The following ZNF75D variants were observed in gnomAD, a reference collection of about 807,000 sequenced individuals.
ZNF75D encodes zinc finger protein 75D.
A neutral mutation model predicts 33.3 loss-of-function variants in ZNF75D; 33 were observed. The observed-to-expected ratio is 0.99, with a 90% CI of 0.75 to 1.32. ZNF75D has a LOEUF of 1.32. ZNF75D is among the 40% of genes most tolerant of loss of function. The pLI is 0.00. For missense variants in ZNF75D, 338 were observed against 367.5 expected (o/e 0.92, Z 0.66); for synonymous variants, 113 against 130.6 (o/e 0.87, Z 0.92).
chrX:135,301,149 C>A (rs2084213189), intron 1 of ZNF75D, among the ~76,000 whole-genome samples: 1 of 111,608 alleles, frequency 9.0e-6, no homozygotes, highest in Admixed American at 9.5e-5. Context: ...GAAAAACTGC[C>A]ATTTATAAAA....
chrX:135,300,317 C>T (rs182615169), intron 1 of ZNF75D, among the ~76,000 whole-genome samples: 2 of 111,642 alleles, frequency 1.8e-5, no homozygotes, highest in African/African-American at 6.5e-5. Context: ...TGTCCTTGCC[C>T]CTGCACTTTT....
intron 1 of ZNF75D, among the ~76,000 whole-genome samples, chrX:135,317,345 C>A (rs1056356122): frequency 1.8e-5 from 2 of 111,692 alleles, no homozygotes; most frequent in African/African-American, 3.3e-5. Flanking sequence ...AGTCTTTGGA[C>A]CCCACTGGTG....
intron 1 of ZNF75D, among the ~76,000 whole-genome samples, chrX:135,262,893 C>A (rs1375811007): frequency 8.9e-6 from 1 of 112,618 alleles, no homozygotes; most frequent in African/African-American, 3.2e-5. Flanking sequence ...TTAGAATTTT[C>A]AACTTTTCTG....
intron 1 of ZNF75D, among the ~76,000 whole-genome samples, chrX:135,299,139 A>G (rs1602616835): frequency 8.9e-6 from 1 of 112,227 alleles, no homozygotes; most frequent in Non-Finnish European, 1.9e-5. Context: ...TTTATTTTAC[A>G]TACATTTGTA....
chrX:135,274,572 A>G (rs1327670962), intron 1 of ZNF75D, among the ~76,000 whole-genome samples: 1 of 111,886 alleles, frequency 8.9e-6, no homozygotes, highest in African/African-American at 3.2e-5. Flanking sequence ...ACTTAGGTTT[A>G]CATGAGCACC....
At position 135,342,212 on chromosome X, in the gene ZNF75D, CCA is replaced by C. The variant is rs1177089880; in HGVS notation, c.-837_-836del. ...GGGCTCCTCTAAGTATCCATTGGCT[CCA>C]GTTTGAAATCTCAGTATCCATTGGC... On this transcript the variant is annotated 5_prime_UTR_variant, in exon 1 of 7. An upstream open reading frame in the 5' UTR gains an earlier in-frame stop. Transcript: ENST00000370766. 8.9e-6 allele frequency: 1 copy of C among 111,941 alleles called. No homozygotes were observed. Among genetic ancestry groups the C allele is most frequent in the African/African-American group, 3.3e-5 (1 of 30,700 alleles). 9.2% of individuals were successfully genotyped at this position (111,941 alleles called of 1,213,427 possible).
At chrX:135,274,920 G>A (rs143431040) in intron 1 of ZNF75D, among the ~76,000 whole-genome samples, 418 of 111,444 alleles carry the variant, frequency 3.8e-3, no homozygotes, top group Non-Finnish European at 6.9e-3. Context: ...TACAGTTTTA[G>A]GTTACCAAGG....
chrX:135,313,431 C>A (rs1021277423), intron 1 of ZNF75D, among the ~76,000 whole-genome samples: 4 of 111,501 alleles, frequency 3.6e-5, no homozygotes, highest in Admixed American at 9.5e-5. Flanking sequence ...TTGCTTCCAG[C>A]TTTATTCTTT....
intron 1 of ZNF75D, among the ~76,000 whole-genome samples, chrX:135,268,703 A>G (rs1202070087): frequency 1.8e-5 from 2 of 111,091 alleles, no homozygotes; most frequent in Non-Finnish European, 3.8e-5. Flanking sequence ...TGCAATCCCT[A>G]TTAAAACACC....
rs185946120 is a variant in ZNF75D at position 135,322,782 on chromosome X, T to C, written c.-391+18986A>G. Among the ~76,000 whole-genome samples the C allele has an allele frequency of 6.1e-3, 687 of 112,387 alleles. 4 individuals carry two copies. The highest frequency in any genetic ancestry group is 0.022 in the African/African-American group (666 of 30,926). ...CTGAGTATCCATGCCCACTATGAGA[T>C]AGGGCAATGGGGACTACGGCCATAG... is the stretch of plus-strand genomic sequence containing the variant. On this transcript the variant is annotated intron_variant, in intron 1 of 6. Coordinates refer to ENST00000370766, the MANE Select transcript of ZNF75D (RefSeq NM_007131.5).
chrX:135,277,242 A>T (rs1279135753), intron 1 of ZNF75D, among the ~76,000 whole-genome samples: 5 of 112,539 alleles, frequency 4.4e-5, no homozygotes, highest in Non-Finnish European at 7.5e-5. Flanking sequence ...ATGACCAGTG[A>T]TGATGAACTT....
At chrX:135,315,851 G>A (rs5929653) in intron 1 of ZNF75D, among the ~76,000 whole-genome samples, 28,037 of 110,721 alleles carry the variant, frequency 0.25, 2,815 homozygotes, top group South Asian at 0.43. Context: ...TAGGCAGCAC[G>A]TAGTTAGATC....
chrX:135,323,237 G>C (rs1342122210), intron 1 of ZNF75D, among the ~76,000 whole-genome samples: 2 of 111,968 alleles, frequency 1.8e-5, no homozygotes, highest in Non-Finnish European at 3.8e-5. Context: ...TATTATCAGA[G>C]TTAGCAGCCT....
intron 1 of ZNF75D, chrX:135,309,785 A>T: frequency 3.5e-6 from 1 of 287,495 alleles, no homozygotes. Context: ...TGAGCCATTA[A>T]AACAGAGTCT....
intron 1 of ZNF75D, among the ~76,000 whole-genome samples, chrX:135,304,430 A>G (rs73557204): frequency 8.9e-6 from 1 of 111,787 alleles, no homozygotes; most frequent in African/African-American, 3.2e-5. Flanking sequence ...GAACCTCTCA[A>G]CAAGAGGTGA....
intron 1 of ZNF75D, among the ~76,000 whole-genome samples, chrX:135,313,535 G>A (rs1430278281): frequency 2.7e-5 from 3 of 110,964 alleles, no homozygotes; most frequent in Non-Finnish European, 5.7e-5. Context: ...TGAAAAAAAT[G>A]GCATTAGCGT....
intron 1 of ZNF75D, among the ~76,000 whole-genome samples, chrX:135,267,498 T>C (rs1258544105): frequency 9.0e-6 from 1 of 111,203 alleles, no homozygotes; most frequent in Non-Finnish European, 1.9e-5. Context: ...TATTTGCCAA[T>C]ACATTGAAAA....
chrX:135,312,084 A>G (rs1329776366), intron 1 of ZNF75D, among the ~76,000 whole-genome samples: 1 of 111,617 alleles, frequency 9.0e-6, no homozygotes, highest in East Asian at 2.8e-4. Context: ...ATCAAACATT[A>G]GAACTTATCC....
At chrX:135,261,628 T>C (rs2083842663) in intron 1 of ZNF75D, among the ~76,000 whole-genome samples, 1 of 111,841 alleles carries the variant, frequency 8.9e-6, no homozygotes, top group Non-Finnish European at 1.9e-5. Flanking sequence ...CCCCTGCTTT[T>C]TTTTGTTTTC....
Sources: gnomAD v4.1 joint callset for allele counts (sites outside exome capture counted in the v4.1 genomes callset) on GRCh38, gnomAD v4.1.1 for gene constraint, MANE v1.5 for transcripts, NCBI Gene and HGNC (gene_info 2026-07-23, HGNC 2026-07-21) for gene names.